The following HECA variants were observed in gnomAD, a reference collection of about 807,000 sequenced individuals.
HECA encodes headcase protein homolog.
A neutral mutation model predicts 37.6 loss-of-function variants in HECA; 13 were observed. The observed-to-expected ratio is 0.35, with a 90% confidence interval of 0.23 to 0.55. The LOEUF (loss-of-function observed/expected upper bound fraction) is 0.55. Ranked by LOEUF, HECA falls within the 20% of genes least tolerant of loss-of-function variation. The pLI is 0.90. For synonymous variants in HECA, 307 were observed against 291.5 expected (o/e 1.05, Z -0.54); for missense variants, 527 against 701.9 (o/e 0.75, Z 2.82).
At chr6:139,151,793 A>T (rs1774653424) in intron 1 of HECA, among the ~76,000 whole-genome samples, 1 of 152,234 alleles carries the variant, frequency 6.6e-6, no homozygotes, top group African/African-American at 2.4e-5. Context: ...ATTTTGAATA[A>T]GACACTATTC....
At chr6:139,170,123 A>T (rs547753727) in intron 2 of HECA, 1 of 152,258 alleles carries the variant, frequency 6.6e-6, no homozygotes, top group East Asian at 1.9e-4. Context: ...TTTTAGAGGG[A>T]AGTGGATGGA....
rs1464076651 is a variant in HECA at position 139,166,764 on chromosome 6, A to G, written c.752A>G (p.Gln251Arg). 6.2e-7 allele frequency: 1 copy of G among 1,613,776 alleles called. No individual in the cohort carries two copies. The highest frequency in any genetic ancestry group is 1.1e-5 in the South Asian group (1 of 91,036). The change falls in exon 2 of 4, where the codon CAG (glutamine) becomes CGG (arginine). Residue 251 changes from glutamine to arginine, a missense_variant. Gln to Arg is a conservative substitution (Grantham distance 43, BLOSUM62 1). Transcript: ENST00000367658. ...CATTCCATGGACCGGCAGAACTCCCAGGAGAAGGCAGTGGGTGCCGCAGCC... is the reference window on the plus strand; with the variant it reads ...CATTCCATGGACCGGCAGAACTCCCGGGAGAAGGCAGTGGGTGCCGCAGCC... ...RRHSMDRQNS[Q>R]EKAVGAAAYG...
In HECA at chr6:139,178,359, T is replaced by A. The variant is rs368670941; in HGVS notation, c.*1254T>A. ...CTGACGTCGCATACCCTTATAGAAT[T>A]GGAATATGATTTCTCAAAAATTAAT... On this transcript the variant is annotated 3_prime_UTR_variant, in exon 4 of 4. Transcript: ENST00000367658. 17 of 152,302 alleles carry A rather than the reference T, an allele frequency of 1.1e-4. No homozygotes were observed. The East Asian group carries it at 3.1e-3, about 28-fold the overall frequency. The allele number at this position is 152,302 out of a possible 1,614,324, so 9.4% of individuals were successfully genotyped here.
chr6:139,137,974 T>A (rs1252791681), intron 1 of HECA, among the ~76,000 whole-genome samples: 5 of 152,180 alleles, frequency 3.3e-5, no homozygotes, highest in Admixed American at 6.5e-5. Context: ...AGCCAAATTT[T>A]ATGATGCCTG....
chr6:139,136,922 C>T (rs1582932501), intron 1 of HECA, among the ~76,000 whole-genome samples: 1 of 152,310 alleles, frequency 6.6e-6, no homozygotes, highest in East Asian at 1.9e-4. Context: ...GCGTGAGTCA[C>T]CACGCCCAGC....
At chr6:139,174,840 C>G (rs1382179054) in intron 3 of HECA, among the ~76,000 whole-genome samples, 1 of 152,002 alleles carries the variant, frequency 6.6e-6, no homozygotes, top group Non-Finnish European at 1.5e-5. Flanking sequence ...GAATTGCTAA[C>G]CTGTTACCAG....
At chr6:139,151,041 T>G (rs1246807258) in intron 1 of HECA, 1 of 152,200 alleles carries the variant, frequency 6.6e-6, no homozygotes, top group Admixed American at 6.5e-5. Context: ...CCCTCTTCTT[T>G]GACAAGTTTT....
chr6:139,137,687 T>A (rs1004656948), intron 1 of HECA, among the ~76,000 whole-genome samples: 1 of 151,682 alleles, frequency 6.6e-6, no homozygotes, highest in Non-Finnish European at 1.5e-5. Context: ...TTTCCTTTTT[T>A]TTCTTGCTCC....
chr6:139,150,960 C>T (rs536226726), intron 1 of HECA: 2 of 152,252 alleles, frequency 1.3e-5, no homozygotes, highest in East Asian at 3.9e-4. Context: ...ACTGCTAGTT[C>T]ACAACAATCA....
chr6:139,180,407 CT>C lies in HECA; in HGVS notation c.*3306del, dbSNP rs1048961379. 1 of 152,598 alleles carries C rather than the reference CT, an allele frequency of 6.6e-6. No individual in the cohort carries two copies. Among genetic ancestry groups the C allele is most frequent in the African/African-American group, 2.4e-5 (1 of 41,446 alleles). 9.5% of individuals were successfully genotyped at this position (152,598 alleles called of 1,614,324 possible). On this transcript the variant is annotated 3_prime_UTR_variant, in exon 4 of 4. Transcript: ENST00000367658. ...TGTCTAGGTCAGGAACTCCAGTTTGCTTTTCTGTTTTGTGTCCTGGTAGCAG... is the reference window on the plus strand; with the variant it reads ...TGTCTAGGTCAGGAACTCCAGTTTGCTTTCTGTTTTGTGTCCTGGTAGCAG...
intron 1 of HECA, among the ~76,000 whole-genome samples, chr6:139,143,084 T>C (rs1036317929): frequency 1.3e-5 from 2 of 152,154 alleles, no homozygotes; most frequent in African/African-American, 4.8e-5. Flanking sequence ...TTTTAAAGCT[T>C]TAGTGAAAAA....
intron 1 of HECA, among the ~76,000 whole-genome samples, chr6:139,156,128 C>T (rs1336026239): frequency 6.9e-6 from 1 of 145,534 alleles, no homozygotes; most frequent in Non-Finnish European, 1.5e-5. Flanking sequence ...GCTAGAACTT[C>T]TGTAAGGATT....
intron 2 of HECA, chr6:139,170,307 T>C (rs1774953549): frequency 6.6e-6 from 1 of 152,224 alleles, no homozygotes; most frequent in Non-Finnish European, 1.5e-5. Context: ...CTGGGTACTA[T>C]CAGTTCTTGC....
In HECA at chr6:139,176,689, A is replaced by G. The variant is rs1420477169; in HGVS notation, c.1468-252A>G. Among the ~76,000 whole-genome samples the G allele has an allele frequency of 6.6e-6, 1 of 152,070 alleles. No individual in the cohort carries two copies. Among genetic ancestry groups the G allele is most frequent in the Non-Finnish European group, 1.5e-5 (1 of 68,008 alleles). On this transcript the variant is annotated intron_variant, in intron 3 of 3. Coordinates refer to ENST00000367658, the MANE Select transcript of HECA (RefSeq NM_016217.3). This position sits in a 1 kb window ranked among gnomAD's most constrained non-coding sequence, Gnocchi z 4.5. ...GGGAGGGGTTTCTTATTGTTAGGGA[A>G]CTTCAGTGGAGAGCATTTAGGCAGT...
chr6:139,169,442 T>C (rs1250767258), intron 2 of HECA: 1 of 152,240 alleles, frequency 6.6e-6, no homozygotes, highest in Non-Finnish European at 1.5e-5. Context: ...TCTTGTTTCA[T>C]GTATGTAATT....
chr6:139,136,067 C>G (rs1249579037), intron 1 of HECA, among the ~76,000 whole-genome samples: 1 of 151,962 alleles, frequency 6.6e-6, no homozygotes, highest in Non-Finnish European at 1.5e-5. Flanking sequence ...TTAATTCTTC[C>G]CGGTGCTCCA....
At chr6:139,144,404 G>C (rs1774554947) in intron 1 of HECA, 1 of 152,354 alleles carries the variant, frequency 6.6e-6, no homozygotes, top group Non-Finnish European at 1.5e-5. Context: ...GGGGACATTT[G>C]AGCTGAGTCT....
intron 2 of HECA, among the ~76,000 whole-genome samples, chr6:139,170,891 G>C (rs891667845): frequency 6.6e-6 from 1 of 152,028 alleles, no homozygotes; most frequent in Non-Finnish European, 1.5e-5. Flanking sequence ...GGAGATAAAA[G>C]GTGTGGACAG....
At chr6:139,149,112 A>C (rs1012173443) in intron 1 of HECA, among the ~76,000 whole-genome samples, 1 of 152,186 alleles carries the variant, frequency 6.6e-6, no homozygotes, top group South Asian at 2.1e-4. Context: ...CTGAAATTAC[A>C]TGTGTATATT....
Sources: gnomAD v4.1 joint callset for allele counts (sites outside exome capture counted in the v4.1 genomes callset) on GRCh38, gnomAD v4.1.1 for gene constraint, Gnocchi (gnomAD v3.1) non-coding constraint, MANE v1.5 for transcripts, NCBI Gene and HGNC (gene_info 2026-07-23, HGNC 2026-07-21) for gene names.